ZNF500: variants seen among roughly 807,000 people sequenced by gnomAD.
ZNF500 encodes the protein zinc finger protein with KRAB and SCAN domains 18.
In ZNF500, 31 loss-of-function variants were observed where a neutral mutation model predicts 30.1. That is an observed-to-expected ratio of 1.03 (90% CI 0.77 to 1.39). The LOEUF is 1.39. ZNF500 is among the 40% of genes most tolerant of loss of function. The pLI is 0.00. For missense variants in ZNF500, 817 were observed against 657.8 expected (o/e 1.24, Z -2.65); for synonymous variants, 392 against 282.0 (o/e 1.39, Z -3.91).
At chr16:4,748,146 A>G (rs2082041460), downstream of ZNF500, 1 of 152,196 alleles carries the variant, frequency 6.6e-6, no homozygotes, top group South Asian at 2.1e-4. Flanking sequence ...ACACAGATCT[A>G]ATACACGTGG....
intron 5 of ZNF500, among the ~76,000 whole-genome samples, chr16:4,754,451 G>C (rs531161667): frequency 2.6e-5 from 4 of 152,070 alleles, no homozygotes; most frequent in Non-Finnish European, 5.9e-5. Flanking sequence ...CTTGAGGTCA[G>C]GAGTTTGAGA....
intron 1 of ZNF500, among the ~76,000 whole-genome samples, chr16:4,766,556 G>A (rs1163904826): frequency 6.6e-6 from 1 of 152,196 alleles, no homozygotes; most frequent in Non-Finnish European, 1.5e-5. Context: ...GGGAGATGGA[G>A]GTTGCAGTGA....
downstream of ZNF500, chr16:4,747,193 C>A: frequency 8.2e-7 from 1 of 1,225,898 alleles, no homozygotes; most frequent in Non-Finnish European, 1.1e-6. Context: ...CCACTGGGTC[C>A]CAGCAGTGGC....
At position 4,765,954 on chromosome 16, in the gene ZNF500, G is replaced by A. The variant is rs758872352; in HGVS notation, c.25C>T (p.Pro9Ser). The change falls in exon 2 of 6, where the codon CCC becomes TCC. Residue 9 changes from proline to serine, a missense_variant. Pro to Ser is a moderately conservative substitution (Grantham distance 74). Transcript: ENST00000219478. Reference sequence around the variant, plus strand: ...AGGTCCTGCTCCAAGGTTGGCAGGGGCTGGAGGCCAGGGACAGTGGCCATT... The same window carrying A: ...AGGTCCTGCTCCAAGGTTGGCAGGGACTGGAGGCCAGGGACAGTGGCCATT... MATVPGLQ[P>S]LPTLEQDLEQ... The A allele has an allele frequency of 1.1e-5, 18 of 1,584,410 alleles. No homozygotes were observed. The highest frequency in any genetic ancestry group is 1.5e-5 in the Non-Finnish European group (18 of 1,167,204).
Position 4,752,254 on chromosome 16 carries a change from T to C in ZNF500, c.*122A>G. ...GCATCCCAAATGTCCCCTGCTGGCC[T>C]CATACTGGGCCATGGGAGGAAACGG... On this transcript the variant is annotated 3_prime_UTR_variant, in exon 6 of 6. Transcript: ENST00000219478. The C allele has an allele frequency of 7.0e-7, 1 of 1,428,182 alleles. No individual in the cohort carries two copies. The highest frequency in any genetic ancestry group is 1.4e-5 in the African/African-American group (1 of 69,696). 88.5% of individuals were successfully genotyped at this position (1,428,182 alleles called of 1,614,324 possible).
downstream of ZNF500, chr16:4,746,235 A>T (rs944268171): frequency 2.2e-6 from 2 of 910,724 alleles, no homozygotes; most frequent in Admixed American, 2.6e-5. Context: ...TAAAAGAGCA[A>T]ATGTGTTTAA....
At chr16:4,763,419 GA>G (rs35277068) in intron 2 of ZNF500, among the ~76,000 whole-genome samples, 18,884 of 145,664 alleles carry the variant, frequency 0.13, 1,365 homozygotes, top group Admixed American at 0.2. Flanking sequence ...AAAAAAAAAA[GA>G]AAAAAAAAAG....
At chr16:4,756,367 C>T (rs2082134639) in intron 5 of ZNF500, 1 of 152,052 alleles carries the variant, frequency 6.6e-6, no homozygotes, top group Admixed American at 6.6e-5. Flanking sequence ...ACCTGTAATC[C>T]CAGCTGCTTG....
In ZNF500 at chr16:4,752,225, C is replaced by G; in HGVS notation, c.*151G>C. 1 of 1,422,106 alleles carries G rather than the reference C, an allele frequency of 7.0e-7. No individual in the cohort carries two copies. The highest frequency in any genetic ancestry group is 9.1e-7 in the Non-Finnish European group (1 of 1,094,190). 88.1% of individuals were successfully genotyped at this position (1,422,106 alleles called of 1,614,324 possible). On this transcript the variant is annotated 3_prime_UTR_variant, in exon 6 of 6. Coordinates refer to ENST00000219478, the MANE Select transcript of ZNF500 (RefSeq NM_021646.4). Reference sequence around the variant, plus strand: ...CCCAGTGCCCAGCTTCCTCTGCGGCCTGGGCATCCCAAATGTCCCCTGCTG... The same window carrying G: ...CCCAGTGCCCAGCTTCCTCTGCGGCGTGGGCATCCCAAATGTCCCCTGCTG...
intron 2 of ZNF500, chr16:4,763,595 T>C (rs2082231483): frequency 1.0e-6 from 1 of 985,366 alleles, no homozygotes; most frequent in African/African-American, 1.7e-5. Flanking sequence ...CTTCCTCTTA[T>C]TCAACATTCC....
chr16:4,762,177 C>A, intron 4 of ZNF500, 94 bp downstream of exon 4: 3 of 1,410,422 alleles, frequency 2.1e-6, no homozygotes, highest in Non-Finnish European at 2.9e-6. Context: ...AAAACCTTGG[C>A]CCCCAGGAGA....
intron 2 of ZNF500, chr16:4,764,253 C>T (rs187999157): frequency 1.6e-4 from 39 of 237,840 alleles, no homozygotes; most frequent in African/African-American, 7.9e-4. Context: ...TGGCCGGGCA[C>T]AGTGGCTCAT....
chr16:4,766,062 G>C lies in ZNF500; in HGVS notation c.-84C>G, dbSNP rs1567543381. The C allele has an allele frequency of 6.9e-7, 1 of 1,454,994 alleles. No homozygotes were observed. Among genetic ancestry groups the C allele is most frequent in the African/African-American group, 1.4e-5 (1 of 70,786 alleles). The allele number at this position is 1,454,994 out of a possible 1,614,324, so 90.1% of individuals were successfully genotyped here. ...ACCTCTGGCCAGACACAGGAAGAGA[G>C]TTTTTTTCAGGGCCCTGTGGAGAGA... is the stretch of plus-strand genomic sequence containing the variant. On this transcript the variant is annotated 5_prime_UTR_variant, in exon 2 of 6. Coordinates refer to ENST00000219478, the MANE Select transcript of ZNF500 (RefSeq NM_021646.4).
downstream of ZNF500, among the ~76,000 whole-genome samples, chr16:4,745,327 A>G (rs2082000983): frequency 6.6e-6 from 1 of 152,164 alleles, no homozygotes; most frequent in Non-Finnish European, 1.5e-5. Flanking sequence ...TAGGAAGGTT[A>G]TCATGTGACC....
downstream of ZNF500, chr16:4,746,058 G>T: frequency 4.1e-6 from 1 of 245,252 alleles, no homozygotes; most frequent in Non-Finnish European, 7.8e-6. Context: ...CGTGGTGAAT[G>T]TGACTGAGGA....
In ZNF500 at chr16:4,752,198, CACCCAGTGCCCA is replaced by C. The variant is rs1229971589; in HGVS notation, c.*166_*177del. On this transcript the variant is annotated 3_prime_UTR_variant, in exon 6 of 6. Coordinates refer to ENST00000219478, the MANE Select transcript of ZNF500 (RefSeq NM_021646.4). ...AGAGCCTGTCCTTGCCCTTGTTCTG[CACCCAGTGCCCA>C]GCTTCCTCTGCGGCCTGGGCATCCC... is the stretch of plus-strand genomic sequence containing the variant. 1.4e-6 allele frequency: 2 copies of C among 1,419,628 alleles called. No individual in the cohort carries two copies. Among genetic ancestry groups the C allele is most frequent in the East Asian group, 5.0e-5 (2 of 39,640 alleles). The allele number at this position is 1,419,628 out of a possible 1,614,324, so 87.9% of individuals were successfully genotyped here.
chr16:4,761,673 G>T (rs1480359197), intron 4 of ZNF500, among the ~76,000 whole-genome samples: 1 of 150,682 alleles, frequency 6.6e-6, no homozygotes, highest in Non-Finnish European at 1.5e-5. Flanking sequence ...CAGCGAGACT[G>T]TGTCCCATTA....
intron 1 of ZNF500, among the ~76,000 whole-genome samples, chr16:4,766,451 C>A (rs2082266110): frequency 6.6e-6 from 1 of 152,082 alleles, no homozygotes; most frequent in Admixed American, 6.6e-5. Context: ...GGAACCCTGT[C>A]TCTACAAAAA....
chr16:4,762,432 C>A lies in ZNF500; in HGVS notation c.599-97G>T. On this transcript the variant is annotated intron_variant, in intron 3 of 5. Coordinates refer to ENST00000219478, the MANE Select transcript of ZNF500 (RefSeq NM_021646.4). Reference sequence around the variant, plus strand: ...AGGCCCCAACAGCCCGGCGGCTGCCCACCCAAGATCCACTCCTTGCTGGAG... The same window carrying A: ...AGGCCCCAACAGCCCGGCGGCTGCCAACCCAAGATCCACTCCTTGCTGGAG... 5 of 1,520,936 alleles carry A rather than the reference C, an allele frequency of 3.3e-6. No individual in the cohort carries two copies. The South Asian group carries it at 6.4e-5, about 19-fold the overall frequency. 94.2% of individuals were successfully genotyped at this position (1,520,936 alleles called of 1,614,324 possible).
Sources: gnomAD v4.1 joint callset for allele counts (sites outside exome capture counted in the v4.1 genomes callset) on GRCh38, gnomAD v4.1.1 for gene constraint, MANE v1.5 for transcripts, NCBI Gene and HGNC (gene_info 2026-07-23, HGNC 2026-07-21) for gene names.